SFMBT2: variants seen among roughly 807,000 people sequenced by gnomAD.
SFMBT2 encodes the protein scm-like with four MBT domains protein 2.
SFMBT2 carries 38 observed loss-of-function variants against 110.1 expected under a neutral mutation model. That is an observed-to-expected ratio of 0.35 (90% CI 0.27 to 0.45). SFMBT2 has a LOEUF of 0.45. Ranked by LOEUF, SFMBT2 falls within the 20% of genes least tolerant of loss-of-function variation. The pLI is 1.00. For missense variants in SFMBT2, 1,011 were observed against 1,094.9 expected, an observed-to-expected ratio of 0.92 and a Z score of 1.08; for synonymous variants, 425 against 425.4, an observed-to-expected ratio of 1.00 and a Z score of 0.01.
intron 4 of SFMBT2, among the ~76,000 whole-genome samples, chr10:7,347,491 A>G (rs917534579): frequency 3.3e-5 from 5 of 152,236 alleles, no homozygotes; most frequent in Admixed American, 6.5e-5. Flanking sequence ...AGAAAAGTAG[A>G]GAATCCATGA....
intron 4 of SFMBT2, among the ~76,000 whole-genome samples, chr10:7,290,705 T>C (rs1588422610): frequency 6.6e-6 from 1 of 151,364 alleles, no homozygotes; most frequent in East Asian, 1.9e-4. Flanking sequence ...GGCATGGTAG[T>C]GGGTGGCTGT....
chr10:7,263,300 G>A (rs12253183), intron 7 of SFMBT2, among the ~76,000 whole-genome samples: 8,189 of 152,122 alleles, frequency 0.054, 475 homozygotes, highest in African/African-American at 0.14. Context: ...GGAGTACAAT[G>A]GCGCGATCTC....
chr10:7,356,418 T>C (rs1844515402), intron 4 of SFMBT2, among the ~76,000 whole-genome samples: 1 of 152,060 alleles, frequency 6.6e-6, no homozygotes, highest in African/African-American at 2.4e-5. Context: ...TTGTTTTGTT[T>C]TGTTTTGTTT....
chr10:7,300,792 G>A (rs1842536536), intron 4 of SFMBT2, among the ~76,000 whole-genome samples: 1 of 152,212 alleles, frequency 6.6e-6, no homozygotes, highest in South Asian at 2.1e-4. Flanking sequence ...TATTTAGTGA[G>A]TTAGAGCACT....
chr10:7,253,345 GCAT>G (rs1687496870), intron 7 of SFMBT2, among the ~76,000 whole-genome samples: 1 of 152,194 alleles, frequency 6.6e-6, no homozygotes, highest in Non-Finnish European at 1.5e-5. Context: ...CTTGTAACTG[GCAT>G]CAAAGTGGAG....
At chr10:7,363,354 C>CT (rs869081978) in intron 4 of SFMBT2, among the ~76,000 whole-genome samples, 188 of 145,102 alleles carry the variant, frequency 1.3e-3, no homozygotes, top group East Asian at 4.8e-3. Flanking sequence ...TAAACCTCCT[C>CT]TTTTTTTTTT....
At chr10:7,375,684 G>A (rs1429319968) in intron 2 of SFMBT2, among the ~76,000 whole-genome samples, 1 of 149,854 alleles carries the variant, frequency 6.7e-6, no homozygotes, top group Non-Finnish European at 1.5e-5. Context: ...AGTCCTCACG[G>A]CACAAAGGTC....
chr10:7,210,118 C>T (rs1159533566), intron 11 of SFMBT2, among the ~76,000 whole-genome samples: 3 of 152,192 alleles, frequency 2.0e-5, no homozygotes, highest in Non-Finnish European at 4.4e-5. Flanking sequence ...TTGCTACCCC[C>T]TTGTCCCCGG....
intron 17 of SFMBT2, among the ~76,000 whole-genome samples, chr10:7,173,892 G>A (rs116513302): frequency 0.011 from 1,717 of 152,244 alleles, 32 homozygotes; most frequent in African/African-American, 0.039. Flanking sequence ...GTACTGAGTC[G>A]TGGGCTTTGT....
intron 16 of SFMBT2, among the ~76,000 whole-genome samples, chr10:7,185,105 T>C (rs1420358314): frequency 6.6e-6 from 1 of 152,190 alleles, no homozygotes; most frequent in Non-Finnish European, 1.5e-5. Flanking sequence ...GGCATGTATG[T>C]TTATCCCAAG....
At chr10:7,375,642 C>G (rs770673690) in intron 2 of SFMBT2, among the ~76,000 whole-genome samples, 26 of 152,016 alleles carry the variant, frequency 1.7e-4, no homozygotes, top group Non-Finnish European at 3.1e-4. Context: ...AATCTGAGCT[C>G]ACAACTGCAG....
At chr10:7,390,403 T>C (rs1030482992) in intron 1 of SFMBT2, among the ~76,000 whole-genome samples, 1 of 152,206 alleles carries the variant, frequency 6.6e-6, no homozygotes, top group African/African-American at 2.4e-5. Flanking sequence ...TTCCCCCTAA[T>C]ATTCCACAAA....
intron 4 of SFMBT2, among the ~76,000 whole-genome samples, chr10:7,325,897 T>C (rs1843369435): frequency 6.6e-6 from 1 of 152,224 alleles, no homozygotes; most frequent in Non-Finnish European, 1.5e-5. Context: ...AATTGCATAG[T>C]ATGTAAATTA....
At chr10:7,265,842 T>A (rs1475633092) in intron 7 of SFMBT2, among the ~76,000 whole-genome samples, 2 of 152,210 alleles carry the variant, frequency 1.3e-5, no homozygotes, top group Non-Finnish European at 2.9e-5. Context: ...GAACTGATGA[T>A]GTCCTGGGTA....
At chr10:7,212,890 C>G (rs753511435) in intron 11 of SFMBT2, among the ~76,000 whole-genome samples, 23 of 152,180 alleles carry the variant, frequency 1.5e-4, no homozygotes, top group South Asian at 1.0e-3. Context: ...CCATGGAATA[C>G]TATGCAGCCA....
Position 7,300,517 on chromosome 10 carries a change from C to A in SFMBT2, c.437-14563G>T, listed in dbSNP as rs140228727. On this transcript the variant is annotated intron_variant, in intron 4 of 20. Coordinates refer to ENST00000397167, the MANE Select transcript of SFMBT2 (RefSeq NM_001387889.1). ...TTCAGTGTGCCTGCAGTTCACACTGCCCCCTTCACACATACTTTAGAACAT... is the reference window on the plus strand; with the variant it reads ...TTCAGTGTGCCTGCAGTTCACACTGACCCCTTCACACATACTTTAGAACAT... 5.0e-3 allele frequency among the ~76,000 whole-genome samples: 763 copies of A among 152,254 alleles called. 5 individuals carry two copies. The highest frequency in any genetic ancestry group is 6.3e-3 in the Non-Finnish European group (429 of 68,024).
At chr10:7,200,932 C>T (rs943412719) in intron 13 of SFMBT2, 15 of 791,696 alleles carry the variant, frequency 1.9e-5, no homozygotes, top group Non-Finnish European at 2.1e-5. Flanking sequence ...GAGTCATGGC[C>T]ACACTAAAAA....
intron 10 of SFMBT2, among the ~76,000 whole-genome samples, chr10:7,222,773 G>A (rs550587324): frequency 2.0e-5 from 3 of 151,882 alleles, no homozygotes; most frequent in South Asian, 4.1e-4. Flanking sequence ...GGGTTCAAGC[G>A]ATTCTCCTGC....
intron 7 of SFMBT2, among the ~76,000 whole-genome samples, chr10:7,264,792 A>G (rs1841328621): frequency 6.6e-6 from 1 of 152,180 alleles, no homozygotes; most frequent in South Asian, 2.1e-4. Flanking sequence ...TGCCAACCGT[A>G]TCCCCAGACC....
Sources: gnomAD v4.1 joint callset for allele counts (sites outside exome capture counted in the v4.1 genomes callset) on GRCh38, gnomAD v4.1.1 for gene constraint, MANE v1.5 for transcripts, NCBI Gene and HGNC (gene_info 2026-07-23, HGNC 2026-07-21) for gene names.